BLOC1S6: variants seen among roughly 807,000 people sequenced by gnomAD.
The protein encoded by BLOC1S6 is biogenesis of lysosome-related organelles complex 1 subunit 6.
BLOC1S6 carries 24 observed loss-of-function variants against 24.7 expected under a neutral mutation model. That is an observed-to-expected ratio of 0.97 (90% CI 0.70 to 1.37). The LOEUF (loss-of-function observed/expected upper bound fraction) is 1.37. Ranked by LOEUF, BLOC1S6 falls within the 40% of genes most tolerant of loss-of-function variation. BLOC1S6 has a pLI of 0.00. For missense variants in BLOC1S6, 175 were observed against 196.2 expected (o/e 0.89, Z 0.64); for synonymous variants, 76 against 72.6 (o/e 1.05, Z -0.23).
chr15:45,593,385 C>T (rs1159877711), intron 2 of BLOC1S6, among the ~76,000 whole-genome samples: 6 of 85,958 alleles, frequency 7.0e-5, no homozygotes, highest in South Asian at 3.1e-4. Context: ...ACTCTGTCTC[C>T]GAAAAAAAAA....
At chr15:45,602,282 TA>T (rs1894298040) in intron 2 of BLOC1S6, 1 of 630,114 alleles carries the variant, frequency 1.6e-6, no homozygotes, top group Non-Finnish European at 2.8e-6. Context: ...TGTTCGTTGT[TA>T]TTTCTTTTTT....
chr15:45,591,665 GC>G (rs1366284772), intron 1 of BLOC1S6, among the ~76,000 whole-genome samples: 1 of 152,150 alleles, frequency 6.6e-6, no homozygotes, highest in Non-Finnish European at 1.5e-5. Flanking sequence ...GTGAGCCACT[GC>G]CCCTGGCCCT....
rs531495872 is a variant in BLOC1S6 at position 45,590,323 on chromosome 15, G to A, written c.83-1812G>A. 1.9e-4 allele frequency among the ~76,000 whole-genome samples: 29 copies of A among 151,488 alleles called. 1 individual carries two copies. The highest frequency in any genetic ancestry group is 1.9e-4 in the East Asian group (1 of 5,168). On this transcript the variant is annotated intron_variant, in intron 1 of 4. Coordinates refer to ENST00000220531, the MANE Select transcript of BLOC1S6 (RefSeq NM_012388.4). ...AGTCCAAAGTTTGTTCATGTGTTTCGTAGGGTTAAAATAAAAATTATATAA... is the reference window on the plus strand; with the variant it reads ...AGTCCAAAGTTTGTTCATGTGTTTCATAGGGTTAAAATAAAAATTATATAA...
rs1894334074 is a variant in BLOC1S6, at chr15:45,603,291, T to A, written c.312+104T>A. On this transcript the variant is annotated intron_variant, in intron 3 of 4. Transcript: ENST00000220531. ...ATTTTAAGCTTAGAATTTGTCTTTTTAACAAGAAACCTTGATTGAACTTCT... is the reference window on the plus strand; with the variant it reads ...ATTTTAAGCTTAGAATTTGTCTTTTAAACAAGAAACCTTGATTGAACTTCT... 1.2e-5 allele frequency: 9 copies of A among 729,142 alleles called. No individual in the cohort carries two copies. In the East Asian group the frequency reaches 2.5e-4, roughly 21 times the overall value. The allele number at this position is 729,142 out of a possible 1,614,324, so 45.2% of individuals were successfully genotyped here.
At chr15:45,587,571 G>A in intron 1 of BLOC1S6, 46 bp downstream of exon 1, 1 of 1,514,728 alleles carries the variant, frequency 6.6e-7, no homozygotes, top group South Asian at 1.2e-5. Flanking sequence ...GGGTGTGAGG[G>A]GCGGGGACCT....
In BLOC1S6 at chr15:45,587,529, C is replaced by A. The variant is rs995671179; in HGVS notation, c.82+4C>A. ...GAGGCCGGGGAGCCGACGCCTGGTACGTACTATCGGGTGGGAAGCGCGGCC... is the reference window on the plus strand; with the variant it reads ...GAGGCCGGGGAGCCGACGCCTGGTAAGTACTATCGGGTGGGAAGCGCGGCC... On this transcript the variant is annotated splice_donor_region_variant and intron_variant, in intron 1 of 4. Transcript: ENST00000220531. 9 of 1,569,696 alleles carry A rather than the reference C, an allele frequency of 5.7e-6. No individual in the cohort carries two copies. The highest frequency in any genetic ancestry group is 7.8e-6 in the Non-Finnish European group (9 of 1,158,546).
intron 3 of BLOC1S6, among the ~76,000 whole-genome samples, chr15:45,604,056 C>T (rs979339431): frequency 6.6e-6 from 1 of 152,044 alleles, no homozygotes; most frequent in Non-Finnish European, 1.5e-5. Context: ...CCTTTATTTT[C>T]TGATGAACAT....
intron 3 of BLOC1S6, 71 bp downstream of exon 3, chr15:45,603,258 T>TAGCTAAGACTTAGCTAAGCAAG: frequency 2.1e-6 from 2 of 950,906 alleles, no homozygotes; most frequent in Non-Finnish European, 3.3e-6. Flanking sequence ...AGCTAAGCAA[T>TAGCTAAGACTTAGCTAAGCAAG]AGCTAAGATT....
chr15:45,587,686 C>T (rs893760097), intron 1 of BLOC1S6, 161 bp downstream of exon 1: 1 of 757,022 alleles, frequency 1.3e-6, no homozygotes, highest in Non-Finnish European at 2.3e-6. Flanking sequence ...GCGCCGGCCC[C>T]TCTGCCCAGC....
chr15:45,593,342 A>G (rs1018229025), intron 2 of BLOC1S6, among the ~76,000 whole-genome samples: 2 of 145,752 alleles, frequency 1.4e-5, no homozygotes, highest in South Asian at 2.2e-4. Context: ...TGAGATCTGC[A>G]CCACTGCACT....
chr15:45,587,684 C>G lies in BLOC1S6; in HGVS notation c.82+159C>G, dbSNP rs777691507. 3 of 764,470 alleles carry G rather than the reference C, an allele frequency of 3.9e-6. No individual in the cohort carries two copies. The South Asian group carries it at 4.4e-5, about 11-fold the overall frequency. The allele number at this position is 764,470 out of a possible 1,614,324, so 47.4% of individuals were successfully genotyped here. ...TGCAGAAATGGGGAACCGCGCCGGC[C>G]CCTCTGCCCAGCGCAATGGGCGGAA... On this transcript the variant is annotated intron_variant, in intron 1 of 4. Coordinates refer to ENST00000220531, the MANE Select transcript of BLOC1S6 (RefSeq NM_012388.4).
intron 2 of BLOC1S6, among the ~76,000 whole-genome samples, chr15:45,596,554 A>G (rs532464989): frequency 6.6e-6 from 1 of 152,218 alleles, no homozygotes; most frequent in African/African-American, 2.4e-5. Flanking sequence ...ACCTTTGTCA[A>G]AGAGAAGTTT....
At chr15:45,603,021 C>A in intron 2 of BLOC1S6, 79 bp from the exon 3 acceptor site, 2 of 908,752 alleles carry the variant, frequency 2.2e-6, no homozygotes, top group Non-Finnish European at 3.6e-6. Context: ...TACCATTAAC[C>A]AAGATGAATA....
At chr15:45,596,100 C>A (rs1329565551) in intron 2 of BLOC1S6, among the ~76,000 whole-genome samples, 3 of 152,012 alleles carry the variant, frequency 2.0e-5, no homozygotes, top group Admixed American at 2.0e-4. Flanking sequence ...CACGCCCGGC[C>A]TATTCTGAGT....
chr15:45,592,326 C>T, intron 2 of BLOC1S6, 50 bp downstream of exon 2: 1 of 1,596,818 alleles, frequency 6.3e-7, no homozygotes, highest in Non-Finnish European at 8.6e-7. Flanking sequence ...GTGGCATAGT[C>T]ACAATTTGTA....
chr15:45,596,215 T>C (rs1894071175), intron 2 of BLOC1S6, among the ~76,000 whole-genome samples: 1 of 151,490 alleles, frequency 6.6e-6, no homozygotes, highest in Admixed American at 6.6e-5. Context: ...TGTTGTTGTT[T>C]GAGACAGGGT....
rs1010778337 is a variant in BLOC1S6, at chr15:45,603,087, G to A, written c.225-13G>A. On this transcript the variant is annotated splice_polypyrimidine_tract_variant and intron_variant, in intron 2 of 4. Coordinates refer to ENST00000220531, the MANE Select transcript of BLOC1S6 (RefSeq NM_012388.4). ...TATGTAGAGTTTGTCTTGGCTGTGT[G>A]TTTTTGTTTCAGACAGAACCAAGTT... The A allele has an allele frequency of 1.3e-6, 2 of 1,582,556 alleles. No individual in the cohort carries two copies. Among genetic ancestry groups the A allele is most frequent in the Admixed American group, 3.3e-5 (2 of 59,860 alleles).
intron 4 of BLOC1S6, 146 bp downstream of exon 4, chr15:45,605,660 G>T: frequency 3.2e-6 from 2 of 623,576 alleles, no homozygotes; most frequent in Non-Finnish European, 5.6e-6. Flanking sequence ...TGCAATCTCG[G>T]CTCACTGCAA....
intron 2 of BLOC1S6, chr15:45,598,010 C>T: frequency 4.7e-6 from 1 of 210,540 alleles, no homozygotes; most frequent in South Asian, 4.9e-5. Flanking sequence ...GGCTTCATCC[C>T]TGGGATGCAA....
Sources: allele counts gnomAD v4.1 joint callset (sites outside exome capture counted in the v4.1 genomes callset), GRCh38; gene constraint gnomAD v4.1.1; transcripts MANE v1.5; gene names NCBI Gene and HGNC (gene_info 2026-07-23, HGNC 2026-07-21).